The following MTUS2 variants were observed in gnomAD, a reference collection of about 807,000 sequenced individuals.
MTUS2 encodes the protein microtubule-associated tumor suppressor candidate 2.
MTUS2 carries 40 observed loss-of-function variants against 114.1 expected under a neutral mutation model. The ratio of observed to expected loss-of-function variants is 0.35; its 90% CI spans 0.27 to 0.46. MTUS2 has a LOEUF of 0.46. Among genes scored for constraint, MTUS2 ranks in the 20% least tolerant of loss-of-function variants. The pLI, the probability that MTUS2 is intolerant of heterozygous loss-of-function variation, is 1.00. For synonymous variants in MTUS2, 688 were observed against 672.0 expected, an observed-to-expected ratio of 1.02 and a Z score of -0.37; for missense variants, 1,679 against 1,705.4, an observed-to-expected ratio of 0.98 and a Z score of 0.27.
chr13:28,993,947 A>G (rs1369311952), intron 2 of MTUS2, among the ~76,000 whole-genome samples: 1 of 152,056 alleles, frequency 6.6e-6, no homozygotes, highest in African/African-American at 2.4e-5. Context: ...ACATGTGCAC[A>G]ACGTGCAGGT....
At chr13:28,981,825 G>GA (rs1304795071) in intron 2 of MTUS2, among the ~76,000 whole-genome samples, 24 of 152,332 alleles carry the variant, frequency 1.6e-4, no homozygotes, top group Admixed American at 2.6e-4. Flanking sequence ...GGATCTTGCA[G>GA]ATGCTAAGGT....
chr13:28,839,578 A>G (rs951685113), intron 1 of MTUS2, among the ~76,000 whole-genome samples, 200 bp from the exon 2 acceptor site: 2 of 152,226 alleles, frequency 1.3e-5, no homozygotes, highest in African/African-American at 2.4e-5. Flanking sequence ...CTAAAATCCT[A>G]GACTCAGCTA....
At chr13:28,903,323 TAC>T (rs1879762045) in intron 2 of MTUS2, among the ~76,000 whole-genome samples, 1 of 151,822 alleles carries the variant, frequency 6.6e-6, no homozygotes, top group African/African-American at 2.4e-5. Context: ...GCAGGTTTGT[TAC>T]ATATGTATAC....
At chr13:28,961,011 C>G (rs575574992) in intron 2 of MTUS2, among the ~76,000 whole-genome samples, 1 of 151,928 alleles carries the variant, frequency 6.6e-6, no homozygotes, top group South Asian at 2.1e-4. Flanking sequence ...AATGGATGGG[C>G]TCAACAGAGG....
intron 2 of MTUS2, among the ~76,000 whole-genome samples, chr13:28,970,633 G>A (rs1883811425): frequency 6.6e-6 from 1 of 152,246 alleles, no homozygotes; most frequent in African/African-American, 2.4e-5. Flanking sequence ...TGACCTTACT[G>A]TGAAACAATA....
intron 2 of MTUS2, among the ~76,000 whole-genome samples, chr13:28,954,461 T>C (rs1455584905): frequency 6.6e-6 from 1 of 152,214 alleles, no homozygotes; most frequent in Non-Finnish European, 1.5e-5. Context: ...CATTAGTCCA[T>C]GCACACGGGG....
At chr13:28,998,051 T>C (rs892354136) in intron 2 of MTUS2, among the ~76,000 whole-genome samples, 6 of 152,148 alleles carry the variant, frequency 3.9e-5, no homozygotes, top group South Asian at 2.1e-4. Context: ...TCCATGTTTA[T>C]TGCTTCCTTC....
At chr13:29,415,088 GA>G (rs1875566151) in intron 8 of MTUS2, among the ~76,000 whole-genome samples, 1 of 151,404 alleles carries the variant, frequency 6.6e-6, no homozygotes, top group African/African-American at 2.4e-5. Flanking sequence ...TTTTCAGGTG[GA>G]AGATCTTTTT....
At chr13:29,131,472 G>T (rs1249917436) in intron 5 of MTUS2, among the ~76,000 whole-genome samples, 1 of 152,268 alleles carries the variant, frequency 6.6e-6, no homozygotes, top group Non-Finnish European at 1.5e-5. Flanking sequence ...CAGACAGCAG[G>T]TGGGGGCCAT....
chr13:29,327,682 G>C (rs1419609393), intron 7 of MTUS2, among the ~76,000 whole-genome samples: 1 of 100,190 alleles, frequency 1.0e-5, no homozygotes, highest in Admixed American at 9.1e-5. Flanking sequence ...CCAAATCTTT[G>C]TACAAATGTA....
At chr13:28,938,979 A>T (rs1392928320) in intron 2 of MTUS2, among the ~76,000 whole-genome samples, 1 of 152,184 alleles carries the variant, frequency 6.6e-6, no homozygotes, top group Non-Finnish European at 1.5e-5. Context: ...CTACACTTGT[A>T]ATTTCTTCAT....
chr13:28,876,562 G>A (rs542461850), intron 2 of MTUS2, among the ~76,000 whole-genome samples: 1 of 152,326 alleles, frequency 6.6e-6, no homozygotes, highest in South Asian at 2.1e-4. Flanking sequence ...TTTCTTGAAA[G>A]CTGCAGAAGA....
At chr13:29,163,406 G>A (rs1893183228) in intron 5 of MTUS2, among the ~76,000 whole-genome samples, 1 of 152,092 alleles carries the variant, frequency 6.6e-6, no homozygotes, top group Non-Finnish European at 1.5e-5. Context: ...TTATTGTATA[G>A]CTTTTATTTA....
intron 2 of MTUS2, among the ~76,000 whole-genome samples, chr13:28,980,693 A>G (rs1884320678): frequency 6.6e-6 from 1 of 152,242 alleles, no homozygotes; most frequent in African/African-American, 2.4e-5. Context: ...CTGTAGGATA[A>G]AGTCTCACAA....
chr13:29,170,694 G>T (rs1893520180), intron 5 of MTUS2, among the ~76,000 whole-genome samples: 2 of 152,160 alleles, frequency 1.3e-5, no homozygotes, highest in South Asian at 4.2e-4. Context: ...GTACACATGT[G>T]CCTAAATGAG....
chr13:29,375,600 TATATATAC>T lies in MTUS2; in HGVS notation c.3117+16128_3117+16135del, dbSNP rs1871622751. ...ATATATATATATACGTATATATATA[TATATATAC>T]GTATATATATATATATATATATATA... On this transcript the variant is annotated intron_variant, in intron 8 of 15. Coordinates refer to ENST00000612955, the MANE Select transcript of MTUS2 (RefSeq NM_001033602.4). 4.6e-4 allele frequency among the ~76,000 whole-genome samples: 2 copies of T among 4,310 alleles called. 1 individual carries two copies. The highest frequency in any genetic ancestry group is 1.3e-3 in the Non-Finnish European group (2 of 1,554). 2.8% of individuals were successfully genotyped at this position (4,310 alleles called of 152,430 possible).
At chr13:29,148,510 G>A (rs1183534243) in intron 5 of MTUS2, among the ~76,000 whole-genome samples, 3 of 96,636 alleles carry the variant, frequency 3.1e-5, no homozygotes, top group African/African-American at 6.7e-5. Context: ...ACGGAGTCTC[G>A]CTCTGTCGCC....
chr13:29,382,200 C>G (rs1872264023), intron 8 of MTUS2, among the ~76,000 whole-genome samples: 1 of 152,174 alleles, frequency 6.6e-6, no homozygotes, highest in Non-Finnish European at 1.5e-5. Flanking sequence ...AGATGGTTGA[C>G]AGGTCGGGCC....
intron 14 of MTUS2, among the ~76,000 whole-genome samples, chr13:29,499,886 C>T (rs559125796): frequency 1.6e-4 from 25 of 152,338 alleles, no homozygotes; most frequent in Non-Finnish European, 3.4e-4. Context: ...GCTGGATTGT[C>T]GCCAAGATTC....
Sources: allele counts gnomAD v4.1 joint callset (sites outside exome capture counted in the v4.1 genomes callset), GRCh38; gene constraint gnomAD v4.1.1; transcripts MANE v1.5; gene names NCBI Gene and HGNC (gene_info 2026-07-23, HGNC 2026-07-21).